Variants in SCN3A observed in about 807,000 individuals in gnomAD.
SCN3A encodes sodium voltage-gated channel alpha subunit 3.
A neutral mutation model predicts 187.6 loss-of-function variants in SCN3A; 60 were observed. The ratio of observed to expected loss-of-function variants is 0.32; its 90% confidence interval spans 0.26 to 0.40. The LOEUF is 0.40. Ranked by LOEUF, SCN3A falls within the 10% of genes least tolerant of loss-of-function variation. SCN3A has a pLI of 1.00. For synonymous variants in SCN3A, 788 were observed against 829.2 expected, an observed-to-expected ratio of 0.95 and a Z score of 0.85; for missense variants, 1,601 against 2,428.2, an observed-to-expected ratio of 0.66 and a Z score of 7.16.
chr2:165,137,925 T>G lies in SCN3A; in HGVS notation c.2345A>C (p.Tyr782Ser), dbSNP rs745633621. ...ACTACTGAATTGCTCAGTCATGGGG[T>G]AGTGCTCCATGGCCATAAAGAGGGT... ...LNTLFMAMEHYPMTEQFSSVL... is the reference protein window; with the variant it reads ...LNTLFMAMEHSPMTEQFSSVL... Residue 782 changes from tyrosine to serine, a missense_variant, in exon 15 of 28, where the codon TAC (tyrosine) becomes TCC (serine). Physicochemically the swap from Tyr to Ser is moderately radical, Grantham distance 144. Around this residue, in one of 11 missense-constraint regions of SCN3A, gnomAD observed 376 missense variants for 476.0 expected, o/e 0.79. Transcript: ENST00000283254. 1 of 1,613,304 alleles carries G rather than the reference T, an allele frequency of 6.2e-7. No individual in the cohort carries two copies. Among genetic ancestry groups the G allele is most frequent in the Admixed American group, 1.7e-5 (1 of 59,958 alleles).
At chr2:165,141,048 C>A (rs374415888) in intron 12 of SCN3A, 50 bp from the exon 13 acceptor site, 2 of 1,196,994 alleles carry the variant, frequency 1.7e-6, no homozygotes, top group Admixed American at 2.1e-5. Context: ...AGGGGAAGAA[C>A]GCAATTATTT....
intron 1 of SCN3A, among the ~76,000 whole-genome samples, chr2:165,196,671 C>T (rs564816171): frequency 1.4e-4 from 21 of 152,214 alleles, no homozygotes; most frequent in Admixed American, 8.5e-4. Flanking sequence ...TTATTAATTT[C>T]GCTCCACTAT....
At chr2:165,099,070 A>G (rs1685486488) in intron 22 of SCN3A, among the ~76,000 whole-genome samples, 1 of 152,202 alleles carries the variant, frequency 6.6e-6, no homozygotes, top group African/African-American at 2.4e-5. Flanking sequence ...GATTACAATG[A>G]TTCTGGAGAG....
chr2:165,167,484 A>G (rs902244627), intron 5 of SCN3A, among the ~76,000 whole-genome samples: 2 of 152,168 alleles, frequency 1.3e-5, no homozygotes, highest in African/African-American at 2.4e-5. Flanking sequence ...TTGTTACACT[A>G]TCTTATCTCC....
In SCN3A at chr2:165,182,942, A is replaced by C. The variant is rs556656962; in HGVS notation, c.-51+3609T>G. On this transcript the variant is annotated intron_variant, in intron 2 of 27. Transcript: ENST00000283254. The stretch of plus-strand genomic sequence containing the variant: ...CAGTGAGCTATGATCTTGCCAGTGC[A>C]CTCCAGCCTAAGCTGCAAAACAAGA... 4.8e-5 allele frequency among the ~76,000 whole-genome samples: 7 copies of C among 146,038 alleles called. No individual in the cohort carries two copies. In the East Asian group the frequency reaches 1.0e-3, roughly 21 times the overall value.
In SCN3A at chr2:165,147,010, G is replaced by A. The variant is rs761990576; in HGVS notation, c.1400C>T (p.Ala467Val). 6.4e-5 allele frequency: 103 copies of A among 1,613,732 alleles called. No individual in the cohort carries two copies. The highest frequency in any genetic ancestry group is 8.6e-5 in the Non-Finnish European group (102 of 1,179,906). Residue 467 changes from alanine (A) to valine (V), a missense_variant, in exon 12 of 28, where the codon GCT becomes GTT. Physicochemically the swap from Ala to Val is moderately conservative, Grantham distance 64 (BLOSUM62 0). Transcript: ENST00000283254. Reference sequence around the variant, plus strand: ...TATTCCACTGAAATCTCTTGAAGCAGCTGATGCTGCCGCAACTGCCTGTCA... The same window carrying A: ...TATTCCACTGAAATCTCTTGAAGCAACTGATGCTGCCGCAACTGCCTGTCA... ...EEAQAVAAASAASRDFSGIGG... is the reference protein window; with the variant it reads ...EEAQAVAAASVASRDFSGIGG...
chr2:165,191,857 A>G (rs1415206091), intron 1 of SCN3A, among the ~76,000 whole-genome samples: 1 of 152,130 alleles, frequency 6.6e-6, no homozygotes, highest in Non-Finnish European at 1.5e-5. Flanking sequence ...GTACACGCAC[A>G]TAGTAGTGCT....
At chr2:165,100,178 G>T in intron 22 of SCN3A, 124 bp downstream of exon 22, 1 of 1,200,220 alleles carries the variant, frequency 8.3e-7, no homozygotes, top group Non-Finnish European at 1.2e-6. Context: ...TGATATCTAA[G>T]ATTTTTGCTC....
intron 21 of SCN3A, among the ~76,000 whole-genome samples, chr2:165,100,862 ATATCT>A (rs1157590196): frequency 2.0e-5 from 3 of 152,194 alleles, no homozygotes; most frequent in East Asian, 1.9e-4. Context: ...CACTGATTAG[ATATCT>A]TATCTCCCTT....
chr2:165,146,604 A>T, intron 12 of SCN3A, 135 bp downstream of exon 12: 1 of 855,500 alleles, frequency 1.2e-6, no homozygotes, highest in Non-Finnish European at 1.8e-6. Flanking sequence ...ATAAGAATTT[A>T]AACAACTATA....
intron 18 of SCN3A, among the ~76,000 whole-genome samples, chr2:165,120,022 C>T (rs569253437): frequency 1.1e-3 from 160 of 152,254 alleles, no homozygotes; most frequent in Non-Finnish European, 1.2e-3. Flanking sequence ...TTAAATTTTT[C>T]CATCCCTTGT....
chr2:165,184,483 G>GAAA (rs397986547), intron 2 of SCN3A, among the ~76,000 whole-genome samples: 8 of 59,552 alleles, frequency 1.3e-4, no homozygotes, highest in Admixed American at 1.7e-4. Context: ...GTCTAGTTCA[G>GAAA]AAAAAAAAAA....
intron 1 of SCN3A, chr2:165,195,696 A>C (rs576638663): frequency 9.2e-5 from 14 of 152,236 alleles, no homozygotes; most frequent in African/African-American, 2.9e-4. Flanking sequence ...TGGCACCACT[A>C]TCATAGATTT....
At chr2:165,189,052 G>A (rs1249423771) in intron 1 of SCN3A, among the ~76,000 whole-genome samples, 1 of 152,054 alleles carries the variant, frequency 6.6e-6, no homozygotes, top group East Asian at 1.9e-4. Flanking sequence ...CTGGAATTTT[G>A]GTGTAATGTC....
intron 5 of SCN3A, among the ~76,000 whole-genome samples, chr2:165,165,408 A>G (rs538558421): frequency 1.3e-5 from 2 of 152,294 alleles, no homozygotes; most frequent in South Asian, 2.1e-4. Context: ...CAAACCTTGC[A>G]TCAGCTACTA....
chr2:165,133,011 G>C (rs1393596266), intron 15 of SCN3A, among the ~76,000 whole-genome samples: 1 of 152,152 alleles, frequency 6.6e-6, no homozygotes, highest in Non-Finnish European at 1.5e-5. Context: ...CATTTATGCA[G>C]CCAAAAAACA....
At position 165,127,614 on chromosome 2, in the gene SCN3A, T is replaced by A. The variant is rs183690433; in HGVS notation, c.3393+17A>T. 10 of 1,601,258 alleles carry A rather than the reference T, an allele frequency of 6.2e-6. No homozygotes were observed. Among genetic ancestry groups the A allele is most frequent in the South Asian group, 2.2e-5 (2 of 90,786 alleles). On this transcript the variant is annotated intron_variant, in intron 18 of 27. Coordinates refer to ENST00000283254, the MANE Select transcript of SCN3A (RefSeq NM_006922.4). Reference sequence around the variant, plus strand: ...TTATCATAGGAAATGGAACAAAAAATTTAAAAGCATTCTTACCTCTTTGCT... The same window carrying A: ...TTATCATAGGAAATGGAACAAAAAAATTAAAAGCATTCTTACCTCTTTGCT...
chr2:165,159,035 G>A (rs747719249), intron 9 of SCN3A, among the ~76,000 whole-genome samples: 1 of 137,936 alleles, frequency 7.2e-6, no homozygotes, highest in South Asian at 2.3e-4. Flanking sequence ...CTTCCAAGGC[G>A]GTTGTCTAGT....
At chr2:165,115,303 G>C in intron 19 of SCN3A, 152 bp downstream of exon 19, 1 of 791,872 alleles carries the variant, frequency 1.3e-6, no homozygotes, top group Non-Finnish European at 2.1e-6. Flanking sequence ...CTGGGGTCAA[G>C]CAATCCTCCT....
Sources: gnomAD v4.1 joint callset for allele counts (sites outside exome capture counted in the v4.1 genomes callset) on GRCh38, gnomAD v4.1.1 for gene constraint, gnomAD v4.1.1 regional missense constraint, MANE v1.5 for transcripts, NCBI Gene and HGNC (gene_info 2026-07-23, HGNC 2026-07-21) for gene names.